Variants in SCN8A observed in about 807,000 individuals in gnomAD.
The protein encoded by SCN8A is sodium voltage-gated channel alpha subunit 8.
SCN8A carries 30 observed loss-of-function variants against 184.1 expected under a neutral mutation model. The observed-to-expected ratio is 0.16, with a 90% confidence interval of 0.12 to 0.22. SCN8A has a LOEUF of 0.22. Among genes scored for constraint, SCN8A ranks in the 10% least tolerant of loss-of-function variants. The pLI, the probability that SCN8A is intolerant of heterozygous loss-of-function variation, is 1.00. For missense variants in SCN8A, 1,057 were observed against 2,498.9 expected (o/e 0.42, Z 12.30); for synonymous variants, 852 against 907.0 (o/e 0.94, Z 1.09).
chr12:51,781,387 CTTT>C (rs1429683289), intron 21 of SCN8A, among the ~76,000 whole-genome samples: 2 of 152,138 alleles, frequency 1.3e-5, no homozygotes, highest in Admixed American at 6.5e-5. Context: ...GATAGCAAAG[CTTT>C]TTTCCTCACC....
At chr12:51,804,660 G>A (rs1323237440) in intron 26 of SCN8A, among the ~76,000 whole-genome samples, 1 of 152,136 alleles carries the variant, frequency 6.6e-6, no homozygotes, top group Non-Finnish European at 1.5e-5. Flanking sequence ...ATTTTTAGTA[G>A]AGACTGGGTT....
intron 26 of SCN8A, among the ~76,000 whole-genome samples, chr12:51,797,900 G>C (rs1274964945): frequency 6.6e-6 from 1 of 152,160 alleles, no homozygotes; most frequent in Non-Finnish European, 1.5e-5. Context: ...CTGGAACTAA[G>C]ACCTTTAGGC....
chr12:51,633,385 TG>T (rs1275740575), intron 1 of SCN8A, among the ~76,000 whole-genome samples: 1 of 152,254 alleles, frequency 6.6e-6, no homozygotes, highest in Non-Finnish European at 1.5e-5. Flanking sequence ...TAAACTGGGA[TG>T]GCCAATAAAA....
chr12:51,657,101 A>G (rs1312621246), intron 1 of SCN8A, among the ~76,000 whole-genome samples: 1 of 152,174 alleles, frequency 6.6e-6, no homozygotes, highest in East Asian at 1.9e-4. Flanking sequence ...TTCAATGTCC[A>G]TCAACAGATG....
chr12:51,788,590 T>G, intron 22 of SCN8A, 105 bp from the exon 23 acceptor site: 1 of 725,116 alleles, frequency 1.4e-6, no homozygotes. Context: ...CCCAAACCCC[T>G]GTTCTGTGTT....
intron 6 of SCN8A, chr12:51,689,542 GAAA>G: frequency 6.6e-6 from 1 of 151,746 alleles, no homozygotes; most frequent in Non-Finnish European, 1.5e-5. Flanking sequence ...CTATATTAAT[GAAA>G]TTTTTTAATC....
At chr12:51,729,634 T>C (rs572996001) in intron 12 of SCN8A, among the ~76,000 whole-genome samples, 3 of 152,348 alleles carry the variant, frequency 2.0e-5, no homozygotes, top group East Asian at 1.9e-4. Flanking sequence ...AGCATTCTTA[T>C]AAAACTCTTT....
Position 51,721,659 on chromosome 12 carries a change from C to G in SCN8A, c.1749C>G (p.Phe583Leu). 6.2e-7 allele frequency: 1 copy of G among 1,606,534 alleles called. No homozygotes were observed. The highest frequency in any genetic ancestry group is 8.5e-7 in the Non-Finnish European group (1 of 1,176,572). Residue 583 changes from phenylalanine (F) to leucine (L), a missense_variant, in exon 12 of 27, where the codon TTC becomes TTG. Phe to Leu is a conservative substitution (Grantham distance 22). Transcript: ENST00000627620. ...RFRDPGSENE[F>L]ADDEHSTVEE... The stretch of plus-strand genomic sequence containing the variant: ...GAGACCCGGGCTCCGAGAATGAGTT[C>G]GCGGATGACGAGCACAGCACGGTGG...
In SCN8A at chr12:51,807,575, C is replaced by A; in HGVS notation, c.*146C>A. The A allele has an allele frequency of 1.2e-6, 1 of 855,586 alleles. No homozygotes were observed. The highest frequency in any genetic ancestry group is 1.8e-6 in the Non-Finnish European group (1 of 541,390). 53.0% of individuals were successfully genotyped at this position (855,586 alleles called of 1,614,324 possible). A position where few individuals can be genotyped will look rare whatever the true frequency, so the allele number is the denominator to read the frequency against. ...CAAACGTCGTCTGCTTACCACGTAACACAGCTGCATCTTGAGCAGTGACCT... is the reference window on the plus strand; with the variant it reads ...CAAACGTCGTCTGCTTACCACGTAAAACAGCTGCATCTTGAGCAGTGACCT... On this transcript the variant is annotated 3_prime_UTR_variant, in exon 27 of 27. Coordinates refer to ENST00000627620, the MANE Select transcript of SCN8A (RefSeq NM_001330260.2). This position sits in a 1 kb window ranked among gnomAD's most constrained non-coding sequence, Gnocchi z 4.5.
At chr12:51,758,421 C>A (rs188719402) in intron 14 of SCN8A, among the ~76,000 whole-genome samples, 12 of 152,150 alleles carry the variant, frequency 7.9e-5, no homozygotes, top group Non-Finnish European at 1.5e-5. Flanking sequence ...TCTTTAATGT[C>A]TGGTTTGTTT....
chr12:51,713,387 A>G, intron 11 of SCN8A: 2 of 967,562 alleles, frequency 2.1e-6, no homozygotes, highest in South Asian at 2.5e-5. Flanking sequence ...CCCCTGGACC[A>G]TTTTGTTTGG....
Position 51,811,518 on chromosome 12 carries a change from A to G in SCN8A, c.*4089A>G, listed in dbSNP as rs1938896129. On this transcript the variant is annotated 3_prime_UTR_variant, in exon 27 of 27. Coordinates refer to ENST00000627620, the MANE Select transcript of SCN8A (RefSeq NM_001330260.2). ...CAAAGCTAGGGCATGTGCGATGCCC[A>G]ACAGCCTCCACTCTGCAAGCTCATA... 1 of 152,364 alleles carries G rather than the reference A, an allele frequency of 6.6e-6. No homozygotes were observed. The highest frequency in any genetic ancestry group is 6.5e-5 in the Admixed American group (1 of 15,288). 9.4% of individuals were successfully genotyped at this position (152,364 alleles called of 1,614,324 possible).
chr12:51,703,419 C>T (rs777316916), intron 9 of SCN8A, among the ~76,000 whole-genome samples: 2 of 152,208 alleles, frequency 1.3e-5, no homozygotes, highest in Non-Finnish European at 2.9e-5. Flanking sequence ...GCTGGAATTA[C>T]AGGCGTGAGC....
At chr12:51,690,954 T>TA (rs1941496299) in intron 6 of SCN8A, among the ~76,000 whole-genome samples, 1 of 152,180 alleles carries the variant, frequency 6.6e-6, no homozygotes, top group Non-Finnish European at 1.5e-5. Context: ...AACCTTAACT[T>TA]ACCAAGATTT....
intron 16 of SCN8A, chr12:51,768,194 T>C (rs1366963200): frequency 1.3e-5 from 2 of 152,136 alleles, no homozygotes; most frequent in Non-Finnish European, 2.9e-5. Context: ...TAAAAATAAA[T>C]TAATTAACCT....
intron 1 of SCN8A, among the ~76,000 whole-genome samples, chr12:51,635,725 A>G (rs559457743): frequency 1.3e-5 from 2 of 152,328 alleles, no homozygotes; most frequent in Admixed American, 6.5e-5. Flanking sequence ...AAGTACACCC[A>G]AGATAGAGAT....
chr12:51,666,689 GTTTCTTATTTCCTTCCCTC>G (rs1941040061), intron 2 of SCN8A, among the ~76,000 whole-genome samples: 1 of 152,090 alleles, frequency 6.6e-6, no homozygotes, highest in Non-Finnish European at 1.5e-5. Flanking sequence ...ACAAAAACTT[GTTTCTTATTTCCTTCCCTC>G]TTTCTCCTAG....
intron 25 of SCN8A, among the ~76,000 whole-genome samples, chr12:51,793,883 A>T (rs1310272554): frequency 6.6e-6 from 1 of 151,844 alleles, no homozygotes; most frequent in African/African-American, 2.4e-5. Context: ...GATGGCTCAC[A>T]CCTGTAATCC....
chr12:51,722,022 AT>A, intron 12 of SCN8A, 114 bp downstream of exon 12: 2 of 1,567,880 alleles, frequency 1.3e-6, no homozygotes, highest in South Asian at 2.2e-5. Context: ...TGCTCTGCCC[AT>A]CCCACTTGGT....
Sources: allele counts gnomAD v4.1 joint callset (sites outside exome capture counted in the v4.1 genomes callset), GRCh38; gene constraint gnomAD v4.1.1; non-coding constraint Gnocchi (gnomAD v3.1); transcripts MANE v1.5; gene names NCBI Gene and HGNC (gene_info 2026-07-23, HGNC 2026-07-21).